Variants in C16orf87 observed in about 807,000 individuals in gnomAD.
C16orf87 encodes the protein HDAC and MIER1 interacting protein 1.
In C16orf87, 13 loss-of-function variants were observed where a neutral mutation model predicts 21.0. The ratio of observed to expected loss-of-function variants is 0.62; its 90% CI spans 0.40 to 0.98. The LOEUF is 0.98. Ranked by LOEUF, C16orf87 falls within the 50% of genes least tolerant of loss-of-function variation. The pLI is 0.00. For synonymous variants in C16orf87, 49 were observed against 60.2 expected (o/e 0.81, Z 0.86); for missense variants, 113 against 180.4 (o/e 0.63, Z 2.14).
intron 1 of C16orf87, among the ~76,000 whole-genome samples, chr16:46,825,241 AGT>A (rs1959568574): frequency 6.6e-6 from 1 of 152,236 alleles, no homozygotes; most frequent in Non-Finnish European, 1.5e-5. Flanking sequence ...CAAGTGGAAT[AGT>A]GAGAACGGAA....
At chr16:46,812,301 T>C (rs1329217840) in intron 2 of C16orf87, among the ~76,000 whole-genome samples, 2 of 152,202 alleles carry the variant, frequency 1.3e-5, no homozygotes, top group African/African-American at 4.8e-5. Context: ...TTTGTGGACC[T>C]TATTTAAAAT....
intron 2 of C16orf87, among the ~76,000 whole-genome samples, chr16:46,810,671 AAAATT>A (rs1968053891): frequency 6.6e-6 from 1 of 152,226 alleles, no homozygotes; most frequent in African/African-American, 2.4e-5. Context: ...CTGCTGTAAA[AAAATT>A]AAAAGTAAAA....
chr16:46,824,510 T>A, intron 1 of C16orf87, 28 bp from the exon 2 acceptor site: 1 of 958,738 alleles, frequency 1.0e-6, no homozygotes, highest in Non-Finnish European at 1.6e-6. Flanking sequence ...AAATATATAT[T>A]ATTACTATTT....
At chr16:46,809,019 C>CAAA (rs776311594) in intron 3 of C16orf87, among the ~76,000 whole-genome samples, 28 of 51,518 alleles carry the variant, frequency 5.4e-4, no homozygotes, top group East Asian at 8.1e-4. Flanking sequence ...CTTTAAAAGA[C>CAAA]AAAAAAAAAA....
At chr16:46,808,014 C>T (rs1018865612) in intron 3 of C16orf87, 1 of 455,948 alleles carries the variant, frequency 2.2e-6, no homozygotes, top group Non-Finnish European at 4.4e-6. Context: ...TCTATTTCAA[C>T]TGAAAAGAAT....
rs1339382006 is a variant in C16orf87, at chr16:46,798,140, A to C, written c.*4812T>G. Reference sequence around the variant, plus strand: ...CTAGAAAAGGGAGCAAATAAGCCCAAAGCAAAGAAAGGAGAAAATACTAAA... The same window carrying C: ...CTAGAAAAGGGAGCAAATAAGCCCACAGCAAAGAAAGGAGAAAATACTAAA... On this transcript the variant is annotated 3_prime_UTR_variant, in exon 4 of 4. Transcript: ENST00000285697. The C allele has an allele frequency of 6.6e-6, 1 of 152,206 alleles. No individual in the cohort carries two copies. Among genetic ancestry groups the C allele is most frequent in the Non-Finnish European group, 1.5e-5 (1 of 68,034 alleles). 9.4% of individuals were successfully genotyped at this position (152,206 alleles called of 1,614,324 possible).
chr16:46,805,749 C>A (rs896486812), intron 3 of C16orf87, among the ~76,000 whole-genome samples: 2 of 152,202 alleles, frequency 1.3e-5, no homozygotes, highest in African/African-American at 4.8e-5. Flanking sequence ...TTAGGATGAT[C>A]CAATTAGGCC....
intron 2 of C16orf87, among the ~76,000 whole-genome samples, chr16:46,814,291 G>C (rs1968179153): frequency 6.6e-6 from 1 of 152,218 alleles, no homozygotes; most frequent in South Asian, 2.1e-4. Flanking sequence ...AAAAAGTACA[G>C]TAAGGGAGAG....
Position 46,802,560 on chromosome 16 carries a change from T to A in C16orf87, c.*392A>T. ...TTTTAAAAATCACTCTTTCTGACAG[T>A]ATTTAAAATATTGCATCTCTGGTGG... On this transcript the variant is annotated 3_prime_UTR_variant, in exon 4 of 4. Coordinates refer to ENST00000285697, the MANE Select transcript of C16orf87 (RefSeq NM_001001436.4). The A allele has an allele frequency of 6.4e-6, 1 of 155,676 alleles. No individual in the cohort carries two copies. The highest frequency in any genetic ancestry group is 1.4e-5 in the Non-Finnish European group (1 of 70,118). The allele number at this position is 155,676 out of a possible 1,614,324, so 9.6% of individuals were successfully genotyped here. A position where few individuals can be genotyped will look rare whatever the true frequency, so the allele number is the denominator to read the frequency against.
At chr16:46,815,368 G>T (rs1019337073) in intron 2 of C16orf87, among the ~76,000 whole-genome samples, 3 of 144,576 alleles carry the variant, frequency 2.1e-5, no homozygotes, top group African/African-American at 7.7e-5. Flanking sequence ...GAAAGCAAAA[G>T]CAATGAAAGA....
Position 46,797,310 on chromosome 16 carries a change from T to C in C16orf87, c.*5642A>G, listed in dbSNP as rs1967637238. On this transcript the variant is annotated 3_prime_UTR_variant, in exon 4 of 4. Transcript: ENST00000285697. ...GGGTTCTTAAAAATATCTATGATAG[T>C]TGTAAGGAAAAAATACATTATCTGA... The C allele has an allele frequency of 6.6e-6, 1 of 152,170 alleles. No homozygotes were observed. Among genetic ancestry groups the C allele is most frequent in the Non-Finnish European group, 1.5e-5 (1 of 68,030 alleles). 9.4% of individuals were successfully genotyped at this position (152,170 alleles called of 1,614,324 possible). A position where few individuals can be genotyped will look rare whatever the true frequency, so the allele number is the denominator to read the frequency against.
intron 2 of C16orf87, among the ~76,000 whole-genome samples, chr16:46,811,991 C>T (rs1159373891): frequency 6.6e-6 from 1 of 152,100 alleles, no homozygotes; most frequent in Non-Finnish European, 1.5e-5. Flanking sequence ...CGCCTGTAAT[C>T]CCAGCACCTT....
rs1967719104 is a variant in C16orf87 at position 46,799,798 on chromosome 16, C to T, written c.*3154G>A. On this transcript the variant is annotated 3_prime_UTR_variant, in exon 4 of 4. Coordinates refer to ENST00000285697, the MANE Select transcript of C16orf87 (RefSeq NM_001001436.4). ...AGCTGCCTAGTAGCTGGAAGCACCA[C>T]ACCCAGCTAATTTTACTTTTTGTAG... 1 of 152,172 alleles carries T rather than the reference C, an allele frequency of 6.6e-6. No homozygotes were observed. The highest frequency in any genetic ancestry group is 2.4e-5 in the African/African-American group (1 of 41,414). 9.4% of individuals were successfully genotyped at this position (152,172 alleles called of 1,614,324 possible). A position where few individuals can be genotyped will look rare whatever the true frequency, so the allele number is the denominator to read the frequency against.
chr16:46,819,915 A>G (rs1353229832), intron 2 of C16orf87, among the ~76,000 whole-genome samples: 1 of 152,032 alleles, frequency 6.6e-6, no homozygotes, highest in Non-Finnish European at 1.5e-5. Context: ...CAGAGGTTGC[A>G]GAGGTTGTGG....
chr16:46,828,016 C>A (rs1959689896), intron 1 of C16orf87, among the ~76,000 whole-genome samples: 1 of 151,894 alleles, frequency 6.6e-6, no homozygotes, highest in African/African-American at 2.4e-5. Context: ...CTCACTGCAA[C>A]CTCTGCCTCC....
At chr16:46,815,234 T>C (rs912121950) in intron 2 of C16orf87, among the ~76,000 whole-genome samples, 2 of 151,930 alleles carry the variant, frequency 1.3e-5, no homozygotes, top group Admixed American at 6.6e-5. Flanking sequence ...TACACAAAAA[T>C]TAACTCAAAA....
chr16:46,822,593 A>C (rs761650628), intron 2 of C16orf87, among the ~76,000 whole-genome samples: 1 of 152,264 alleles, frequency 6.6e-6, no homozygotes, highest in Non-Finnish European at 1.5e-5. Context: ...AAATGGAACT[A>C]AACAAGTTTC....
chr16:46,830,252 GAT>G (rs1339958157), intron 1 of C16orf87, among the ~76,000 whole-genome samples: 4 of 140,920 alleles, frequency 2.8e-5, no homozygotes, highest in African/African-American at 1.1e-4. Flanking sequence ...GAGATAGAGA[GAT>G]AGAGAGAGAC....
chr16:46,826,521 A>G (rs1412515325), intron 1 of C16orf87, among the ~76,000 whole-genome samples: 1 of 152,222 alleles, frequency 6.6e-6, no homozygotes, highest in Non-Finnish European at 1.5e-5. Context: ...TTGGCAGAAT[A>G]ATTCCTTTTC....
Sources: allele counts gnomAD v4.1 joint callset (sites outside exome capture counted in the v4.1 genomes callset), GRCh38; gene constraint gnomAD v4.1.1; transcripts MANE v1.5; gene names NCBI Gene and HGNC (gene_info 2026-07-23, HGNC 2026-07-21).